IL1RAPL2: variants seen among roughly 807,000 people sequenced by gnomAD.
IL1RAPL2 encodes interleukin 1 receptor accessory protein like 2, also known as X-linked interleukin-1 receptor accessory protein-like 2.
In IL1RAPL2, 3 loss-of-function variants were observed where a neutral mutation model predicts 44.1. That is an observed-to-expected ratio of 0.07 (90% CI 0.03 to 0.18). The LOEUF (loss-of-function observed/expected upper bound fraction) is 0.18. IL1RAPL2 is among the 10% of genes least tolerant of loss of function. The pLI, the probability that IL1RAPL2 is intolerant of heterozygous loss-of-function variation, is 1.00. For missense variants in IL1RAPL2, 391 were observed against 496.4 expected (o/e 0.79, Z 2.02); for synonymous variants, 181 against 178.8 (o/e 1.01, Z -0.10).
intron 6 of IL1RAPL2, among the ~76,000 whole-genome samples, chrX:105,707,073 C>T (rs1569467490): frequency 9.0e-6 from 1 of 111,375 alleles, no homozygotes; most frequent in Non-Finnish European, 1.9e-5. Flanking sequence ...TGGTGACAAT[C>T]GTAGATTGGT....
At chrX:104,835,336 CA>C (rs1285818220) in intron 2 of IL1RAPL2, among the ~76,000 whole-genome samples, 1 of 109,637 alleles carries the variant, frequency 9.1e-6, no homozygotes, top group Non-Finnish European at 1.9e-5. Context: ...CTTTGTAAAA[CA>C]TATCTCCAGG....
At chrX:104,964,746 T>C (rs781164387) in intron 2 of IL1RAPL2, among the ~76,000 whole-genome samples, 3 of 111,758 alleles carry the variant, frequency 2.7e-5, no homozygotes, top group Non-Finnish European at 3.8e-5. Context: ...CTAGATGTCC[T>C]AGAAACCCTT....
At chrX:104,677,692 C>G (rs1481995741) in intron 2 of IL1RAPL2, among the ~76,000 whole-genome samples, 1 of 112,352 alleles carries the variant, frequency 8.9e-6, no homozygotes, top group Non-Finnish European at 1.9e-5. Context: ...GCCCCTCCCC[C>G]AGCCTCGCTG....
intron 1 of IL1RAPL2, among the ~76,000 whole-genome samples, chrX:104,637,916 T>C: frequency 9.0e-6 from 1 of 110,813 alleles, no homozygotes; most frequent in Middle Eastern, 4.7e-3. Flanking sequence ...CTCTTTAATT[T>C]TGTTGGAATC....
chrX:104,669,864 T>C (rs1356745231), intron 2 of IL1RAPL2, among the ~76,000 whole-genome samples: 2 of 111,803 alleles, frequency 1.8e-5, no homozygotes, highest in Non-Finnish European at 3.8e-5. Context: ...ACCCTTCTTG[T>C]GTACCCCATC....
intron 2 of IL1RAPL2, among the ~76,000 whole-genome samples, chrX:104,946,591 G>A (rs1207355355): frequency 2.8e-5 from 2 of 70,270 alleles, no homozygotes; most frequent in African/African-American, 1.2e-4. Flanking sequence ...ACAGTCCCCA[G>A]AGTGTGATGG....
At chrX:104,673,415 C>T (rs748254114) in intron 2 of IL1RAPL2, among the ~76,000 whole-genome samples, 22 of 110,522 alleles carry the variant, frequency 2.0e-4, no homozygotes, top group South Asian at 1.9e-3. Flanking sequence ...TGTAGATATG[C>T]GGCGTTATTT....
intron 2 of IL1RAPL2, among the ~76,000 whole-genome samples, chrX:104,857,804 G>T (rs1415844339): frequency 9.0e-6 from 1 of 110,669 alleles, no homozygotes; most frequent in Non-Finnish European, 1.9e-5. Context: ...CTGCCATATG[G>T]AATGTCATTG....
chrX:105,172,786 G>A (rs2033435688), intron 2 of IL1RAPL2, among the ~76,000 whole-genome samples: 2 of 111,266 alleles, frequency 1.8e-5, no homozygotes, highest in Admixed American at 1.9e-4. Flanking sequence ...CCTGTTCACA[G>A]GTTCTGGAGA....
In IL1RAPL2 at chrX:105,303,595, G is replaced by A. The variant is rs766083706; in HGVS notation, c.697+36054G>A. Among the ~76,000 whole-genome samples, 28 of 112,066 alleles carry A rather than the reference G, an allele frequency of 2.5e-4. No individual in the cohort carries two copies. The South Asian group carries it at 0.01, about 42-fold the overall frequency. ...GGCAAAACAGACAAAACACCAAAAT[G>A]GTTACTCCCAGTCAGGCCTGCTGAT... is the stretch of plus-strand genomic sequence containing the variant. On this transcript the variant is annotated intron_variant, in intron 5 of 10. Transcript: ENST00000372582.
At chrX:105,002,079 A>G (rs2030861010) in intron 2 of IL1RAPL2, among the ~76,000 whole-genome samples, 1 of 110,925 alleles carries the variant, frequency 9.0e-6, no homozygotes, top group African/African-American at 3.3e-5. Flanking sequence ...GAGTGCAAGC[A>G]GGAAATGGCA....
rs779149433 is a variant in IL1RAPL2 at position 105,167,487 on chromosome X, G to A, written c.83-27988G>A. Reference sequence around the variant, plus strand: ...GCTAATGATGGCAAAGCACCTGGTCGATTTGGTTGATTCAGTCTACTGGTG... The same window carrying A: ...GCTAATGATGGCAAAGCACCTGGTCAATTTGGTTGATTCAGTCTACTGGTG... On this transcript the variant is annotated intron_variant, in intron 2 of 10. Transcript: ENST00000372582. Among the ~76,000 whole-genome samples, 6 of 111,945 alleles carry A rather than the reference G, an allele frequency of 5.4e-5. No individual in the cohort carries two copies. In the South Asian group the frequency reaches 2.2e-3, roughly 42 times the overall value.
intron 2 of IL1RAPL2, among the ~76,000 whole-genome samples, chrX:105,142,714 G>A (rs1241622147): frequency 9.2e-6 from 1 of 108,825 alleles, no homozygotes; most frequent in Non-Finnish European, 1.9e-5. Context: ...TGCCATGTTG[G>A]TGTGCTGCAC....
At chrX:105,037,188 G>A (rs899592004) in intron 2 of IL1RAPL2, among the ~76,000 whole-genome samples, 1 of 111,772 alleles carries the variant, frequency 8.9e-6, no homozygotes, top group Admixed American at 9.6e-5. Flanking sequence ...TCATTATCTT[G>A]ATGTCAGAAT....
chrX:104,859,829 T>C (rs1922450409), intron 2 of IL1RAPL2, among the ~76,000 whole-genome samples: 2 of 111,838 alleles, frequency 1.8e-5, no homozygotes, highest in Admixed American at 9.5e-5. Context: ...CTAAAACTAC[T>C]TGGAGGTAAT....
chrX:105,521,422 G>A (rs936399618), intron 6 of IL1RAPL2, among the ~76,000 whole-genome samples: 13 of 111,413 alleles, frequency 1.2e-4, no homozygotes, highest in African/African-American at 4.2e-4. Flanking sequence ...TCATTTTCAA[G>A]CAATCTCTAA....
At chrX:105,665,726 G>GTTTTTTTTTTTTTTTTTTTTTTTTT (rs745949698) in intron 6 of IL1RAPL2, among the ~76,000 whole-genome samples, 1 of 75,211 alleles carries the variant, frequency 1.3e-5, no homozygotes, top group African/African-American at 5.2e-5. Flanking sequence ...TTTTATTTTT[G>GTTTTTTTTTTTTTTTTTTTTTTTTT]TTTTTTTGTT....
chrX:105,382,870 C>T (rs1353472971), intron 5 of IL1RAPL2, among the ~76,000 whole-genome samples: 1 of 103,713 alleles, frequency 9.6e-6, no homozygotes. Flanking sequence ...ATCGTAAGAA[C>T]AAAAAACCAA....
intron 2 of IL1RAPL2, among the ~76,000 whole-genome samples, chrX:105,076,036 A>G (rs2032295602): frequency 9.1e-6 from 1 of 110,446 alleles, no homozygotes; most frequent in Non-Finnish European, 1.9e-5. Context: ...TTGTGTCTCT[A>G]TTTCCTTCAG....
Sources: gnomAD v4.1 joint callset for allele counts (sites outside exome capture counted in the v4.1 genomes callset) on GRCh38, gnomAD v4.1.1 for gene constraint, MANE v1.5 for transcripts, NCBI Gene and HGNC (gene_info 2026-07-23, HGNC 2026-07-21) for gene names.